The following MAP3K20 variants were observed in gnomAD, a reference collection of about 807,000 sequenced individuals.
MAP3K20 encodes HCCS-4.
MAP3K20 carries 40 observed loss-of-function variants against 85.7 expected under a neutral mutation model. The observed-to-expected ratio is 0.47, with a 90% confidence interval of 0.36 to 0.61. The LOEUF (loss-of-function observed/expected upper bound fraction) is 0.61. MAP3K20 is among the 20% of genes least tolerant of loss of function. The pLI is 0.00. For synonymous variants in MAP3K20, 325 were observed against 327.7 expected, an observed-to-expected ratio of 0.99 and a Z score of 0.09; for missense variants, 817 against 961.7, an observed-to-expected ratio of 0.85 and a Z score of 1.99.
At chr2:173,136,670 AC>A (rs1688809174) in intron 2 of MAP3K20, among the ~76,000 whole-genome samples, 1 of 152,214 alleles carries the variant, frequency 6.6e-6, no homozygotes, top group Admixed American at 6.5e-5. Context: ...AAAAGAGGTG[AC>A]CCAAATCACA....
chr2:173,219,260 A>C (rs1684165274), intron 11 of MAP3K20, among the ~76,000 whole-genome samples: 1 of 152,216 alleles, frequency 6.6e-6, no homozygotes, highest in Non-Finnish European at 1.5e-5. Flanking sequence ...TGTAAGTTTA[A>C]CATTTATGTA....
intron 2 of MAP3K20, among the ~76,000 whole-genome samples, chr2:173,120,959 A>T (rs1007020120): frequency 6.6e-6 from 1 of 151,550 alleles, no homozygotes; most frequent in South Asian, 2.1e-4. Flanking sequence ...CACCCGCCTC[A>T]GCCTCCCAAA....
chr2:173,151,079 CAGACTCCA>C (rs1689294224), intron 2 of MAP3K20, among the ~76,000 whole-genome samples: 1 of 152,180 alleles, frequency 6.6e-6, no homozygotes, highest in African/African-American at 2.4e-5. Flanking sequence ...CCAGGGTTTT[CAGACTCCA>C]AGGCAACTAG....
chr2:173,244,197 T>C (rs902243839), intron 16 of MAP3K20, among the ~76,000 whole-genome samples: 6 of 152,102 alleles, frequency 3.9e-5, no homozygotes, highest in Admixed American at 6.5e-5. Context: ...GATGATGTTA[T>C]AAAGTGGTGG....
intron 11 of MAP3K20, chr2:173,223,748 C>T (rs1684313859): frequency 1.0e-6 from 1 of 985,336 alleles, no homozygotes; most frequent in African/African-American, 1.7e-5. Context: ...ACTAGTTTCT[C>T]TGTCTATTCA....
At position 173,239,494 on chromosome 2, in the gene MAP3K20, C is replaced by T. The variant is rs1469983269; in HGVS notation, c.1357C>T (p.Gln453Ter). ...GFHLKPGTGP[Q>*]DCKWKMYMEM... ...TCACTTGAAACCAGGAACTGGCCCA[C>T]AGGTAAATCACATTTTAAATCCTTT... is the stretch of plus-strand genomic sequence containing the variant. The change falls in exon 16 of 20, where the codon CAG becomes TAG. Residue 453 changes from glutamine (Q) to a stop codon, truncating the protein, a stop_gained and splice_region_variant. Transcript: ENST00000375213. LOFTEE classifies it high-confidence loss of function. The T allele has an allele frequency of 1.2e-6, 2 of 1,610,122 alleles. No individual in the cohort carries two copies. Among genetic ancestry groups the T allele is most frequent in the Admixed American group, 3.4e-5 (2 of 58,862 alleles).
intron 2 of MAP3K20, among the ~76,000 whole-genome samples, chr2:173,112,749 A>G (rs1375125487): frequency 6.6e-6 from 1 of 152,048 alleles, no homozygotes; most frequent in African/African-American, 2.4e-5. Context: ...CCATTCCTGT[A>G]TCCCTGTTAT....
At chr2:173,219,945 G>A (rs1164461746) in intron 11 of MAP3K20, among the ~76,000 whole-genome samples, 2 of 151,744 alleles carry the variant, frequency 1.3e-5, no homozygotes, top group South Asian at 2.1e-4. Context: ...GCGGGCGCCT[G>A]TAATCCCAGC....
At chr2:173,104,304 A>G (rs1687721659) in intron 2 of MAP3K20, among the ~76,000 whole-genome samples, 1 of 152,166 alleles carries the variant, frequency 6.6e-6, no homozygotes, top group Non-Finnish European at 1.5e-5. Flanking sequence ...TTCCCCTAAA[A>G]CCATAACCCC....
intron 5 of MAP3K20, among the ~76,000 whole-genome samples, chr2:173,190,338 C>A (rs1293819559): frequency 1.3e-5 from 2 of 152,148 alleles, no homozygotes; most frequent in African/African-American, 4.8e-5. Context: ...AATTGTCTCT[C>A]TGATAAGAAT....
At chr2:173,260,940 A>G (rs2106356413) in intron 17 of MAP3K20, 123 bp from the exon 18 acceptor site, 4 of 766,520 alleles carry the variant, frequency 5.2e-6, no homozygotes, top group South Asian at 3.7e-5. Flanking sequence ...CAAGGCTTTC[A>G]TGATAATCTG....
At chr2:173,185,228 G>A (rs1690452638) in intron 4 of MAP3K20, among the ~76,000 whole-genome samples, 1 of 152,154 alleles carries the variant, frequency 6.6e-6, no homozygotes, top group Non-Finnish European at 1.5e-5. Context: ...GCGACCGAGT[G>A]AGACTCTGTC....
intron 9 of MAP3K20, 78 bp from the exon 10 acceptor site, chr2:173,209,651 C>T: frequency 8.4e-7 from 1 of 1,191,774 alleles, no homozygotes; most frequent in Non-Finnish European, 1.2e-6. Context: ...TATTACTATG[C>T]TTGTAGTATC....
chr2:173,213,262 C>T (rs1472777233), intron 10 of MAP3K20, among the ~76,000 whole-genome samples: 1 of 151,790 alleles, frequency 6.6e-6, no homozygotes, highest in African/African-American at 2.4e-5. Flanking sequence ...TGATTGAGAA[C>T]GGGGGGGAAA....
intron 2 of MAP3K20, among the ~76,000 whole-genome samples, chr2:173,158,972 AT>A (rs1233769608): frequency 6.6e-6 from 1 of 152,174 alleles, no homozygotes; most frequent in Admixed American, 6.5e-5. Context: ...TAATACATTA[AT>A]TTTTTCACAA....
chr2:173,152,619 A>G (rs749356475), intron 2 of MAP3K20, among the ~76,000 whole-genome samples: 2 of 152,330 alleles, frequency 1.3e-5, no homozygotes, highest in East Asian at 3.9e-4. Flanking sequence ...GTAGAGTGAC[A>G]GTCAGATTAA....
chr2:173,102,377 A>T (rs1687661196), intron 2 of MAP3K20, among the ~76,000 whole-genome samples: 1 of 152,142 alleles, frequency 6.6e-6, no homozygotes, highest in South Asian at 2.1e-4. Context: ...GTTCTATAGC[A>T]GCTAGAAAGG....
chr2:173,169,116 A>C (rs775730773), intron 2 of MAP3K20, among the ~76,000 whole-genome samples: 2 of 152,170 alleles, frequency 1.3e-5, no homozygotes, highest in Non-Finnish European at 2.9e-5. Flanking sequence ...CCCACTTATT[A>C]TTGACTCATC....
At chr2:173,090,609 C>A in intron 1 of MAP3K20, 6 of 991,244 alleles carry the variant, frequency 6.1e-6, no homozygotes, top group Non-Finnish European at 7.2e-6. Context: ...CCTCAGATGC[C>A]AGGGGAGCTA....
Sources: allele counts gnomAD v4.1 joint callset (sites outside exome capture counted in the v4.1 genomes callset), GRCh38; gene constraint gnomAD v4.1.1; transcripts MANE v1.5; gene names NCBI Gene and HGNC (gene_info 2026-07-23, HGNC 2026-07-21).